GALNT13: variants seen among roughly 807,000 people sequenced by gnomAD.
The protein encoded by GALNT13 is polypeptide N-acetylgalactosaminyltransferase 13, also known as UDP-GalNAc:polypeptide N-acetylgalactosaminyltransferase 13.
In GALNT13, 28 loss-of-function variants were observed where a neutral mutation model predicts 64.2. That is an observed-to-expected ratio of 0.44 (90% CI 0.32 to 0.60). GALNT13 has a LOEUF of 0.60. GALNT13 is among the 20% of genes least tolerant of loss of function. GALNT13 has a pLI of 0.05. For synonymous variants in GALNT13, 214 were observed against 224.6 expected (o/e 0.95, Z 0.42); for missense variants, 577 against 669.8 (o/e 0.86, Z 1.53).
At position 153,950,828 on chromosome 2, in the gene GALNT13, C is replaced by A. The variant is rs556701414; in HGVS notation, c.142+6189C>A. Among the ~76,000 whole-genome samples, 21 of 152,126 alleles carry A rather than the reference C, an allele frequency of 1.4e-4. No homozygotes were observed. The South Asian group carries it at 4.1e-3, about 30-fold the overall frequency. On this transcript the variant is annotated intron_variant, in intron 3 of 12. Transcript: ENST00000392825. ...AACTACCTATTGAGTACTATGTTCA[C>A]AGCCTGTGTGACACGATAATTTGTA... is the stretch of plus-strand genomic sequence containing the variant.
At chr2:153,317,084 G>T in the GALNT13 span, among the ~76,000 whole-genome samples, 29 of 152,066 alleles carry the variant, frequency 1.9e-4, no homozygotes, top group Admixed American at 4.6e-4. Context: ...CACTTTTAAG[G>T]TTAAACCAGA....
chr2:153,818,428 A>G, the GALNT13 span, among the ~76,000 whole-genome samples: 1 of 151,936 alleles, frequency 6.6e-6, no homozygotes, highest in African/African-American at 2.4e-5. Context: ...CTGTGCAGCA[A>G]CTCTACCTCT....
the GALNT13 span, among the ~76,000 whole-genome samples, chr2:153,858,195 T>G: frequency 2.0e-5 from 3 of 152,100 alleles, no homozygotes. Context: ...ATGGGATAAG[T>G]GCATCATAGG....
At chr2:153,364,936 C>T in the GALNT13 span, among the ~76,000 whole-genome samples, 1 of 152,116 alleles carries the variant, frequency 6.6e-6, no homozygotes, top group South Asian at 2.1e-4. Flanking sequence ...GGAGCCAAGA[C>T]AAGCCTAAGG....
At chr2:153,109,820 G>A in the GALNT13 span, among the ~76,000 whole-genome samples, 5 of 152,028 alleles carry the variant, frequency 3.3e-5, no homozygotes, top group Non-Finnish European at 5.9e-5. Context: ...AGGCAGGGTG[G>A]CTTTGAGCTG....
At chr2:153,706,702 T>C in the GALNT13 span, among the ~76,000 whole-genome samples, 2 of 152,206 alleles carry the variant, frequency 1.3e-5, no homozygotes, top group Non-Finnish European at 2.9e-5. Flanking sequence ...TTCCCTATTA[T>C]TTTTACTGTG....
chr2:153,163,364 C>T, the GALNT13 span, among the ~76,000 whole-genome samples: 3 of 152,110 alleles, frequency 2.0e-5, no homozygotes, highest in East Asian at 5.8e-4. Flanking sequence ...TGGTTTCGGT[C>T]TTTAAACCTT....
chr2:153,879,336 T>TA (rs1686608949), intron 1 of GALNT13, among the ~76,000 whole-genome samples: 1 of 149,772 alleles, frequency 6.7e-6, no homozygotes, highest in Non-Finnish European at 1.5e-5. Flanking sequence ...TTAATTTTGA[T>TA]AAAATAATTA....
At chr2:153,795,623 A>G in the GALNT13 span, among the ~76,000 whole-genome samples, 1 of 152,172 alleles carries the variant, frequency 6.6e-6, no homozygotes, top group African/African-American at 2.4e-5. Context: ...TGACCTCTAC[A>G]TAAAATATGC....
At chr2:153,166,446 AG>A in the GALNT13 span, among the ~76,000 whole-genome samples, 1 of 152,182 alleles carries the variant, frequency 6.6e-6, no homozygotes. Flanking sequence ...CCAAACTAGG[AG>A]GGAGCTGAGA....
the GALNT13 span, among the ~76,000 whole-genome samples, chr2:153,564,739 G>A: frequency 2.6e-5 from 4 of 152,144 alleles, no homozygotes; most frequent in African/African-American, 2.4e-5. Context: ...CTATCATACA[G>A]AGTGGCAGAC....
At chr2:153,794,821 G>A in the GALNT13 span, among the ~76,000 whole-genome samples, 25 of 152,216 alleles carry the variant, frequency 1.6e-4, no homozygotes, top group African/African-American at 6.0e-4. Flanking sequence ...GCCCAGCCTG[G>A]ATAACTTTTT....
the GALNT13 span, among the ~76,000 whole-genome samples, chr2:153,160,695 A>T: frequency 3.9e-5 from 6 of 152,210 alleles, no homozygotes; most frequent in Non-Finnish European, 7.3e-5. Context: ...AAGTCATGGG[A>T]TAATTCAGAG....
At chr2:153,142,158 C>T in the GALNT13 span, among the ~76,000 whole-genome samples, 1 of 152,004 alleles carries the variant, frequency 6.6e-6, no homozygotes, top group African/African-American at 2.4e-5. Flanking sequence ...ATCAATTCTG[C>T]CATAGTAGTG....
chr2:154,003,771 G>A (rs1242354271), intron 3 of GALNT13, among the ~76,000 whole-genome samples: 1 of 151,954 alleles, frequency 6.6e-6, no homozygotes, highest in Non-Finnish European at 1.5e-5. Context: ...ATAGTGAGTG[G>A]GCGAATTGTG....
chr2:153,297,678 G>A, the GALNT13 span, among the ~76,000 whole-genome samples: 2 of 152,206 alleles, frequency 1.3e-5, no homozygotes, highest in Admixed American at 1.3e-4. Context: ...GTTTACAAAT[G>A]ATACTAAATG....
At chr2:153,590,261 C>G in the GALNT13 span, among the ~76,000 whole-genome samples, 2 of 152,040 alleles carry the variant, frequency 1.3e-5, no homozygotes, top group Admixed American at 6.6e-5. Context: ...TTTCTGGGAA[C>G]ATACAACCTC....
At chr2:153,928,581 T>C (rs1690307625) in intron 2 of GALNT13, among the ~76,000 whole-genome samples, 1 of 152,146 alleles carries the variant, frequency 6.6e-6, no homozygotes, top group Non-Finnish European at 1.5e-5. Context: ...TGTTATAAGA[T>C]GAACACTGAG....
At chr2:153,430,356 T>G in the GALNT13 span, among the ~76,000 whole-genome samples, 1 of 152,116 alleles carries the variant, frequency 6.6e-6, no homozygotes, top group South Asian at 2.1e-4. Flanking sequence ...CATCTGCTGT[T>G]GTAGCATAAT....
Sources: allele counts gnomAD v4.1 joint callset (sites outside exome capture counted in the v4.1 genomes callset), GRCh38; gene constraint gnomAD v4.1.1; transcripts MANE v1.5; gene names NCBI Gene and HGNC (gene_info 2026-07-23, HGNC 2026-07-21).